The following IFT52 variants were observed in gnomAD, a reference collection of about 807,000 sequenced individuals.
IFT52 encodes the protein intraflagellar transport protein 52 homolog.
IFT52 carries 44 observed loss-of-function variants against 54.4 expected under a neutral mutation model. The observed-to-expected ratio is 0.81, with a 90% confidence interval of 0.63 to 1.04. The LOEUF (loss-of-function observed/expected upper bound fraction) is 1.04. Ranked by LOEUF, IFT52 falls within the 50% of genes least tolerant of loss-of-function variation. The pLI, the probability that IFT52 is intolerant of heterozygous loss-of-function variation, is 0.00. For synonymous variants in IFT52, 181 were observed against 185.3 expected (o/e 0.98, Z 0.19); for missense variants, 452 against 523.6 (o/e 0.86, Z 1.33).
intron 9 of IFT52, among the ~76,000 whole-genome samples, chr20:43,623,258 C>T (rs1984474252): frequency 1.3e-5 from 2 of 152,182 alleles, no homozygotes; most frequent in Non-Finnish European, 2.9e-5. Flanking sequence ...GATCACGGCT[C>T]ACTGCAGTGT....
rs917072987 is a variant in IFT52 at position 43,596,294 on chromosome 20, A to G, written c.120-141A>G. 3 of 572,210 alleles carry G rather than the reference A, an allele frequency of 5.2e-6. No individual in the cohort carries two copies. In the African/African-American group the frequency reaches 5.8e-5, roughly 11 times the overall value. The allele number at this position is 572,210 out of a possible 1,614,324, so 35.4% of individuals were successfully genotyped here. On this transcript the variant is annotated intron_variant, in intron 2 of 13. Transcript: ENST00000373030. ...GTAGAGGGAATTCTCACTTTGGGAGAGAGACTGGACCAGTTACCTCTAAAT... is the reference window on the plus strand; with the variant it reads ...GTAGAGGGAATTCTCACTTTGGGAGGGAGACTGGACCAGTTACCTCTAAAT...
chr20:43,639,378 A>G (rs1048414399), intron 12 of IFT52, among the ~76,000 whole-genome samples: 7 of 151,340 alleles, frequency 4.6e-5, no homozygotes, highest in African/African-American at 1.7e-4. Context: ...TCTCAAAAAA[A>G]CAAAAAAAAA....
intron 11 of IFT52, among the ~76,000 whole-genome samples, chr20:43,636,797 A>C (rs1443954248): frequency 6.6e-6 from 1 of 152,228 alleles, no homozygotes; most frequent in Non-Finnish European, 1.5e-5. Context: ...GTTCTGAGTT[A>C]ATTAGCATTG....
At chr20:43,603,309 G>A (rs1982600793) in intron 3 of IFT52, among the ~76,000 whole-genome samples, 1 of 152,152 alleles carries the variant, frequency 6.6e-6, no homozygotes, top group Non-Finnish European at 1.5e-5. Flanking sequence ...TATCCTCTGT[G>A]GGCAGTCAAG....
Position 43,645,481 on chromosome 20 carries a change from C to T in IFT52, c.1267-1455C>T, listed in dbSNP as rs1263197698. 9.0e-5 allele frequency among the ~76,000 whole-genome samples: 5 copies of T among 55,852 alleles called. 2 individuals are homozygous for T. The highest frequency in any genetic ancestry group is 2.1e-4 in the Admixed American group (1 of 4,844). The allele number at this position is 55,852 out of a possible 152,430, so 36.6% of individuals were successfully genotyped here. ...CTGAGGCAGGAGAATGGTGTGAACC[C>T]GGGAGGCAGAGCTTGCAGTGAGCTG... On this transcript the variant is annotated intron_variant, in intron 13 of 13. Transcript: ENST00000373030.
intron 10 of IFT52, among the ~76,000 whole-genome samples, chr20:43,624,899 C>T (rs574577971): frequency 2.4e-4 from 36 of 152,142 alleles, no homozygotes; most frequent in African/African-American, 7.9e-4. Flanking sequence ...ATCCTCATTG[C>T]CTAAGACCCA....
chr20:43,603,330 G>A (rs535318071), intron 3 of IFT52, among the ~76,000 whole-genome samples: 117 of 152,184 alleles, frequency 7.7e-4, no homozygotes, highest in Non-Finnish European at 1.5e-3. Context: ...AGAAGGCATT[G>A]TCTAAATCAG....
intron 1 of IFT52, 118 bp from the exon 2 acceptor site, chr20:43,594,575 T>C: frequency 3.2e-6 from 2 of 630,188 alleles, no homozygotes; most frequent in East Asian, 5.2e-5. Flanking sequence ...GTTTCCTAGA[T>C]AGGTTTCAGT....
At chr20:43,633,706 T>C (rs779556985) in intron 10 of IFT52, among the ~76,000 whole-genome samples, 19 of 151,512 alleles carry the variant, frequency 1.3e-4, no homozygotes, top group Non-Finnish European at 2.8e-4. Context: ...AGACTCTGTC[T>C]CAAAAAAATA....
chr20:43,614,360 G>A (rs139612070), intron 7 of IFT52, among the ~76,000 whole-genome samples: 6 of 151,046 alleles, frequency 4.0e-5, no homozygotes, highest in African/African-American at 1.2e-4. Context: ...TCAGCCTCCC[G>A]AGTAGCTAAG....
At chr20:43,629,699 A>G (rs555266801) in intron 10 of IFT52, among the ~76,000 whole-genome samples, 6 of 152,360 alleles carry the variant, frequency 3.9e-5, no homozygotes, top group Non-Finnish European at 8.8e-5. Flanking sequence ...TAAGAAGCTG[A>G]GGCTTGGGAC....
In IFT52 at chr20:43,590,992, CCTT is replaced by C. The variant is rs1490944741; in HGVS notation, c.-68_-66del. On this transcript the variant is annotated 5_prime_UTR_variant, in exon 1 of 14. Coordinates refer to ENST00000373030, the MANE Select transcript of IFT52 (RefSeq NM_016004.5). The stretch of plus-strand genomic sequence containing the variant: ...ACGCGCCTCTCCGGTTACTAAGCGG[CCTT>C]GGATACCTGGCCGCGGGATGCTGGG... 5 of 152,264 alleles carry C rather than the reference CCTT, an allele frequency of 3.3e-5. No homozygotes were observed. The highest frequency in any genetic ancestry group is 1.2e-4 in the African/African-American group (5 of 41,464). 9.4% of individuals were successfully genotyped at this position (152,264 alleles called of 1,614,324 possible).
chr20:43,639,680 A>AT (rs1038686920), intron 12 of IFT52, among the ~76,000 whole-genome samples: 6 of 151,704 alleles, frequency 4.0e-5, no homozygotes, highest in South Asian at 2.1e-4. Context: ...AAAAAAAAAA[A>AT]TTTTTTTAAG....
At chr20:43,623,225 C>T (rs1184177854) in intron 9 of IFT52, among the ~76,000 whole-genome samples, 1 of 152,150 alleles carries the variant, frequency 6.6e-6, no homozygotes, top group African/African-American at 2.4e-5. Context: ...TACTGTGTCA[C>T]CCAGGCTGGT....
intron 10 of IFT52, among the ~76,000 whole-genome samples, chr20:43,631,999 C>T (rs1195614912): frequency 6.6e-6 from 1 of 151,588 alleles, no homozygotes; most frequent in African/African-American, 2.4e-5. Context: ...GATCTCCGCT[C>T]ACCACAACCT....
At chr20:43,605,146 C>T in intron 6 of IFT52, 73 bp downstream of exon 6, 1 of 1,573,528 alleles carries the variant, frequency 6.4e-7, no homozygotes, top group Non-Finnish European at 8.6e-7. Flanking sequence ...ATGAAAAGAG[C>T]TTTTGTTTCT....
At chr20:43,639,668 C>G (rs969989771) in intron 12 of IFT52, among the ~76,000 whole-genome samples, 5 of 151,104 alleles carry the variant, frequency 3.3e-5, no homozygotes, top group Admixed American at 6.6e-5. Flanking sequence ...GAAACTCCAT[C>G]TAAAAAAAAA....
At chr20:43,594,659 T>C (rs758476333) in intron 1 of IFT52, 34 bp from the exon 2 acceptor site, 1 of 1,147,762 alleles carries the variant, frequency 8.7e-7, no homozygotes, top group Non-Finnish European at 1.3e-6. Context: ...GAATATTGTT[T>C]ATTGATTTTC....
At chr20:43,601,644 T>C (rs1367818706) in intron 3 of IFT52, among the ~76,000 whole-genome samples, 2 of 152,114 alleles carry the variant, frequency 1.3e-5, no homozygotes, top group East Asian at 3.8e-4. Flanking sequence ...CAGAACCACA[T>C]AATCATGAAA....
Sources: gnomAD v4.1 joint callset for allele counts (sites outside exome capture counted in the v4.1 genomes callset) on GRCh38, gnomAD v4.1.1 for gene constraint, MANE v1.5 for transcripts, NCBI Gene and HGNC (gene_info 2026-07-23, HGNC 2026-07-21) for gene names.